The following KCNIP4 variants were observed in gnomAD, a reference collection of about 807,000 sequenced individuals.
KCNIP4 encodes the protein Kv channel-interacting protein 4.
KCNIP4 carries 12 observed loss-of-function variants against 34.0 expected under a neutral mutation model. The observed-to-expected ratio is 0.35, with a 90% CI of 0.23 to 0.57. KCNIP4 has a LOEUF of 0.57. KCNIP4 is among the 20% of genes least tolerant of loss of function. The probability of loss-of-function intolerance (pLI) is 0.83; values close to 1 mark genes in which losing one functional copy is unlikely to be tolerated. For missense variants in KCNIP4, 238 were observed against 311.7 expected, an observed-to-expected ratio of 0.76 and a Z score of 1.78; for synonymous variants, 124 against 102.2, an observed-to-expected ratio of 1.21 and a Z score of -1.29.
intron 1 of KCNIP4, among the ~76,000 whole-genome samples, chr4:21,195,336 A>G (rs1294026701): frequency 6.6e-6 from 1 of 152,234 alleles, no homozygotes; most frequent in East Asian, 1.9e-4. Flanking sequence ...ATATTAATAC[A>G]GATAAAGTCT....
chr4:21,683,364 A>T (rs1750541375), intron 1 of KCNIP4, among the ~76,000 whole-genome samples: 1 of 148,228 alleles, frequency 6.7e-6, no homozygotes, highest in African/African-American at 2.5e-5. Flanking sequence ...GACTATCATT[A>T]TCTCAAATTT....
chr4:21,831,554 G>A (rs1722990932), intron 1 of KCNIP4, among the ~76,000 whole-genome samples: 1 of 143,468 alleles, frequency 7.0e-6, no homozygotes, highest in African/African-American at 2.6e-5. Flanking sequence ...CAACTAAGAA[G>A]AAACAAATTC....
At chr4:21,851,055 A>G (rs1198127613) in intron 1 of KCNIP4, 3 of 152,200 alleles carry the variant, frequency 2.0e-5, no homozygotes, top group Non-Finnish European at 2.9e-5. Context: ...TGGTAAAGGG[A>G]GGAGTAACAC....
At chr4:21,859,219 C>T (rs1578079071) in intron 1 of KCNIP4, among the ~76,000 whole-genome samples, 1 of 152,278 alleles carries the variant, frequency 6.6e-6, no homozygotes, top group East Asian at 1.9e-4. Flanking sequence ...AAGGGCAAGA[C>T]ATTTCCAGAT....
chr4:20,897,078 C>T (rs1235533794), intron 1 of KCNIP4, among the ~76,000 whole-genome samples: 1 of 152,080 alleles, frequency 6.6e-6, no homozygotes, highest in Admixed American at 6.6e-5. Flanking sequence ...TCAGTTGAGG[C>T]TGAGCATTCA....
intron 1 of KCNIP4, among the ~76,000 whole-genome samples, chr4:21,482,318 G>A (rs1361151326): frequency 6.6e-6 from 1 of 152,038 alleles, no homozygotes; most frequent in African/African-American, 2.4e-5. Context: ...TACATTTAAG[G>A]TTAATATTGT....
intron 1 of KCNIP4, among the ~76,000 whole-genome samples, chr4:21,329,154 T>C (rs1297064765): frequency 6.6e-6 from 1 of 152,228 alleles, no homozygotes; most frequent in African/African-American, 2.4e-5. Flanking sequence ...TGTAAAACAA[T>C]GCATGCACAT....
chr4:21,267,502 T>C (rs1761886722), intron 1 of KCNIP4, among the ~76,000 whole-genome samples: 1 of 151,552 alleles, frequency 6.6e-6, no homozygotes, highest in African/African-American at 2.4e-5. Flanking sequence ...AAATAGCTCT[T>C]ATTATTTTGA....
At chr4:21,592,978 A>C (rs1742333119) in intron 1 of KCNIP4, among the ~76,000 whole-genome samples, 1 of 152,122 alleles carries the variant, frequency 6.6e-6, no homozygotes, top group African/African-American at 2.4e-5. Context: ...AAAACTTATG[A>C]GTTTATTGAA....
intron 3 of KCNIP4, among the ~76,000 whole-genome samples, chr4:20,832,392 G>A (rs1483081900): frequency 6.6e-6 from 1 of 152,088 alleles, no homozygotes; most frequent in African/African-American, 2.4e-5. Context: ...TTTATGCAAA[G>A]CCAATGCAAA....
At chr4:21,841,969 GA>G (rs1723712387) in intron 1 of KCNIP4, among the ~76,000 whole-genome samples, 1 of 152,142 alleles carries the variant, frequency 6.6e-6, no homozygotes. Context: ...CTATGCTGAA[GA>G]CCACTGGAAA....
intron 1 of KCNIP4, among the ~76,000 whole-genome samples, chr4:21,299,888 G>C (rs1477870336): frequency 1.3e-5 from 2 of 152,040 alleles, no homozygotes; most frequent in Non-Finnish European, 2.9e-5. Flanking sequence ...GCCTCTTGGG[G>C]GAAGCTTGTA....
intron 1 of KCNIP4, among the ~76,000 whole-genome samples, chr4:21,474,287 T>C (rs1471425920): frequency 6.6e-6 from 1 of 152,196 alleles, no homozygotes; most frequent in East Asian, 1.9e-4. Context: ...TTTTCTGTTA[T>C]TATTATTATT....
chr4:21,625,469 A>C (rs927304439), intron 1 of KCNIP4, among the ~76,000 whole-genome samples: 2 of 152,108 alleles, frequency 1.3e-5, no homozygotes, highest in Non-Finnish European at 2.9e-5. Context: ...AATTCTCTCA[A>C]GTCCACATGG....
chr4:21,071,778 G>A lies in KCNIP4; in HGVS notation c.62-189069C>T, dbSNP rs536032611. 9.9e-5 allele frequency among the ~76,000 whole-genome samples: 15 copies of A among 152,154 alleles called. No homozygotes were observed. In the South Asian group the frequency reaches 2.9e-3, roughly 29 times the overall value. ...ATTTACATTGGGTATATCTCCTAAT[G>A]CTTTCCATCGTCCCTCCCCCTACCC... is the stretch of plus-strand genomic sequence containing the variant. On this transcript the variant is annotated intron_variant, in intron 1 of 8. Transcript: ENST00000382152.
At chr4:21,592,937 G>A (rs1259417584) in intron 1 of KCNIP4, among the ~76,000 whole-genome samples, 1 of 152,004 alleles carries the variant, frequency 6.6e-6, no homozygotes, top group Admixed American at 6.6e-5. Flanking sequence ...GCTGTATGAG[G>A]CCTCCACTAA....
In KCNIP4 at chr4:21,310,458, A is replaced by G. The variant is rs370699939; in HGVS notation, c.62-427749T>C. On this transcript the variant is annotated intron_variant, in intron 1 of 8. Coordinates refer to ENST00000382152, the MANE Select transcript of KCNIP4 (RefSeq NM_025221.6). ...AGACCATCTCCTATTCTGGTGCGCA[A>G]AATCAGCATCAGTGACCTGCCTTTA... Among the ~76,000 whole-genome samples, 439 of 152,256 alleles carry G rather than the reference A, an allele frequency of 2.9e-3. 5 individuals are homozygous for G. Among genetic ancestry groups the G allele is most frequent in the African/African-American group, 9.7e-3 (405 of 41,544 alleles).
intron 1 of KCNIP4, among the ~76,000 whole-genome samples, chr4:21,291,788 A>C (rs1225653974): frequency 2.0e-5 from 3 of 147,990 alleles, no homozygotes; most frequent in South Asian, 4.4e-4. Context: ...CGGGAGGTGG[A>C]GGTTGCAGTG....
At chr4:21,683,412 C>T (rs1750545448) in intron 1 of KCNIP4, among the ~76,000 whole-genome samples, 1 of 147,988 alleles carries the variant, frequency 6.8e-6, no homozygotes, top group Non-Finnish European at 1.5e-5. Flanking sequence ...AGTAACTTGC[C>T]CGAGATCATA....
Sources: gnomAD v4.1 joint callset for allele counts (sites outside exome capture counted in the v4.1 genomes callset) on GRCh38, gnomAD v4.1.1 for gene constraint, MANE v1.5 for transcripts, NCBI Gene and HGNC (gene_info 2026-07-23, HGNC 2026-07-21) for gene names.